The following NDUFAF5 variants were observed in gnomAD, a reference collection of about 807,000 sequenced individuals.
The protein encoded by NDUFAF5 is arginine-hydroxylase NDUFAF5, mitochondrial.
Under a neutral mutation model 48.9 loss-of-function variants are expected in NDUFAF5, and 34 were observed. That is an observed-to-expected ratio of 0.70 (90% confidence interval 0.53 to 0.93). The LOEUF is 0.93. NDUFAF5 is among the 40% of genes least tolerant of loss of function. The pLI, the probability that NDUFAF5 is intolerant of heterozygous loss-of-function variation, is 0.00. For synonymous variants in NDUFAF5, 153 were observed against 150.6 expected, an observed-to-expected ratio of 1.02 and a Z score of -0.12; for missense variants, 428 against 427.5, an observed-to-expected ratio of 1.00 and a Z score of -0.01.
Position 13,810,008 on chromosome 20 carries a change from A to G in NDUFAF5, c.778+1106A>G, listed in dbSNP as rs142961629. On this transcript the variant is annotated intron_variant, in intron 8 of 10. Coordinates refer to ENST00000378106, the MANE Select transcript of NDUFAF5 (RefSeq NM_024120.5). Reference sequence around the variant, plus strand: ...ACAGCCCTTGAGTTTACATTTGGATACATTGGGTTTGAAGTGCTTTTGAAA... The same window carrying G: ...ACAGCCCTTGAGTTTACATTTGGATGCATTGGGTTTGAAGTGCTTTTGAAA... Among the ~76,000 whole-genome samples the G allele has an allele frequency of 2.9e-4, 44 of 152,354 alleles. 1 individual carries two copies. The East Asian group carries it at 7.7e-3, about 27-fold the overall frequency.
At chr20:13,794,789 T>A (rs1312878539) in intron 4 of NDUFAF5, 49 bp from the exon 5 acceptor site, 1 of 1,096,560 alleles carries the variant, frequency 9.1e-7, no homozygotes, top group Admixed American at 1.8e-5. Flanking sequence ...TGTTAGTAAT[T>A]GAGATTCTAC....
At position 13,798,500 on chromosome 20, in the gene NDUFAF5, G is replaced by A. The variant is rs749058651; in HGVS notation, c.519G>A (p.Gln173=). ...WVNDLPRALE[Q]IHYILKPDGV... ...ATGACCTTCCTAGAGCACTTGAGCA[G>A]GTAAGAAAACTTATGTTCATTCAAC... is the stretch of plus-strand genomic sequence containing the variant. The change falls in exon 6 of 11, where the codon CAG becomes CAA. Residue 173 remains glutamine (Q), a splice_region_variant and synonymous_variant. Transcript: ENST00000378106. 3 of 1,605,308 alleles carry A rather than the reference G, an allele frequency of 1.9e-6. No homozygotes were observed. The highest frequency in any genetic ancestry group is 2.6e-6 in the Non-Finnish European group (3 of 1,172,222).
At chr20:13,816,620 C>A in intron 9 of NDUFAF5, 74 bp downstream of exon 9, 1 of 1,216,928 alleles carries the variant, frequency 8.2e-7, no homozygotes, top group Non-Finnish European at 1.2e-6. Context: ...CTTCACGTTG[C>A]CAATGCATTT....
intron 8 of NDUFAF5, among the ~76,000 whole-genome samples, chr20:13,809,885 A>C (rs988301067): frequency 6.6e-6 from 1 of 152,212 alleles, no homozygotes; most frequent in Non-Finnish European, 1.5e-5. Flanking sequence ...AAGGAGAAAG[A>C]CATTTGAAGC....
At chr20:13,815,281 A>G (rs1317741555) in intron 8 of NDUFAF5, among the ~76,000 whole-genome samples, 1 of 152,188 alleles carries the variant, frequency 6.6e-6, no homozygotes, top group Admixed American at 6.5e-5. Context: ...TGTGAGCACT[A>G]GAAGCCTTTA....
intron 8 of NDUFAF5, among the ~76,000 whole-genome samples, chr20:13,809,231 T>C (rs1291698553): frequency 2.0e-5 from 3 of 152,132 alleles, no homozygotes; most frequent in African/African-American, 4.8e-5. Flanking sequence ...TTGAGGATGA[T>C]GGAACACATT....
chr20:13,819,848 C>T lies in NDUFAF5; in HGVS notation c.*2638C>T, dbSNP rs1986860696. The T allele has an allele frequency of 6.6e-6, 1 of 152,162 alleles. No homozygotes were observed. Among genetic ancestry groups the T allele is most frequent in the Admixed American group, 6.5e-5 (1 of 15,286 alleles). 9.4% of individuals were successfully genotyped at this position (152,162 alleles called of 1,614,324 possible). ...CAAAATGAACTTTCTTGAGTCATTT[C>T]TTCTCTGTTTAGCTATAAGATTAGA... On this transcript the variant is annotated 3_prime_UTR_variant, in exon 11 of 11. Coordinates refer to ENST00000378106, the MANE Select transcript of NDUFAF5 (RefSeq NM_024120.5).
chr20:13,798,372 CTTTTT>C (rs1983574611), intron 5 of NDUFAF5, 84 bp from the exon 6 acceptor site: 16 of 959,738 alleles, frequency 1.7e-5, no homozygotes, highest in Non-Finnish European at 2.7e-5. Context: ...AAATTAACAC[CTTTTT>C]ATGGGTTATC....
intron 3 of NDUFAF5, among the ~76,000 whole-genome samples, chr20:13,792,849 G>A (rs1392704446): frequency 6.6e-6 from 1 of 152,144 alleles, no homozygotes; most frequent in Non-Finnish European, 1.5e-5. Flanking sequence ...TAAAAGGCGG[G>A]AAACTCATAG....
intron 8 of NDUFAF5, among the ~76,000 whole-genome samples, chr20:13,812,412 G>A (rs1985988926): frequency 6.6e-6 from 1 of 152,200 alleles, no homozygotes; most frequent in Middle Eastern, 3.4e-3. Flanking sequence ...TTTATCCAAA[G>A]GCTTGAGAGA....
intron 3 of NDUFAF5, among the ~76,000 whole-genome samples, chr20:13,790,565 CA>C (rs1488054089): frequency 2.0e-5 from 3 of 152,206 alleles, no homozygotes; most frequent in African/African-American, 7.2e-5. Flanking sequence ...GTTGTCATGG[CA>C]AAGTATCCTC....
rs997908300 is a variant in NDUFAF5 at position 13,819,686 on chromosome 20, C to A, written c.*2476C>A. 1 of 152,180 alleles carries A rather than the reference C, an allele frequency of 6.6e-6. No individual in the cohort carries two copies. Among genetic ancestry groups the A allele is most frequent in the Non-Finnish European group, 1.5e-5 (1 of 68,078 alleles). 9.4% of individuals were successfully genotyped at this position (152,180 alleles called of 1,614,324 possible). Reference sequence around the variant, plus strand: ...CTGGCCAATAACCATTTCTTGATAACCCCACAGATAATATCATAAACTCAA... The same window carrying A: ...CTGGCCAATAACCATTTCTTGATAAACCCACAGATAATATCATAAACTCAA... On this transcript the variant is annotated 3_prime_UTR_variant, in exon 11 of 11. Transcript: ENST00000378106.
At chr20:13,787,423 A>G (rs1981377743) in intron 2 of NDUFAF5, 71 bp downstream of exon 2, 2 of 1,406,456 alleles carry the variant, frequency 1.4e-6, no homozygotes, top group Non-Finnish European at 2.0e-6. Context: ...AATGCTGAGA[A>G]CTTGCTATCT....
intron 8 of NDUFAF5, chr20:13,814,146 C>G: frequency 3.5e-6 from 1 of 285,684 alleles, no homozygotes; most frequent in South Asian, 3.3e-5. Flanking sequence ...AGTGGTAGAG[C>G]CAGGATTTAA....
chr20:13,795,466 AATTCTGGACAAACTC>A (rs1249198556), intron 5 of NDUFAF5, among the ~76,000 whole-genome samples: 3 of 152,068 alleles, frequency 2.0e-5, no homozygotes, highest in Non-Finnish European at 4.4e-5. Flanking sequence ...ATTCTGGACA[AATTCTGGACAAACTC>A]ATTCTGGACA....
intron 3 of NDUFAF5, among the ~76,000 whole-genome samples, chr20:13,788,897 C>T (rs1337402770): frequency 6.6e-6 from 1 of 151,518 alleles, no homozygotes; most frequent in Admixed American, 6.6e-5. Context: ...TTATTTGAAT[C>T]TATAGAAGAT....
At chr20:13,808,027 T>C (rs538929774) in intron 7 of NDUFAF5, among the ~76,000 whole-genome samples, 1 of 152,304 alleles carries the variant, frequency 6.6e-6, no homozygotes, top group South Asian at 2.1e-4. Flanking sequence ...AATAAAGTTT[T>C]ATCACATCAC....
At position 13,801,559 on chromosome 20, in the gene NDUFAF5, G is replaced by T; in HGVS notation, c.593G>T (p.Arg198Leu). Reference protein sequence around the residue: ...MFGGDTLYELRCSLQLAETER... With the variant: ...MFGGDTLYELLCSLQLAETER... ...GGAGGCGACACACTCTATGAACTTC[G>T]GTGTTCCTTACAGTTAGCGGAAACG... Residue 198 changes from arginine to leucine, a missense_variant, in exon 7 of 11, where the codon CGG becomes CTG. Physicochemically the swap from Arg to Leu is moderately radical, Grantham distance 102. Coordinates refer to ENST00000378106, the MANE Select transcript of NDUFAF5 (RefSeq NM_024120.5). The T allele has an allele frequency of 6.2e-7, 1 of 1,613,764 alleles. No individual in the cohort carries two copies. Among genetic ancestry groups the T allele is most frequent in the Non-Finnish European group, 8.5e-7 (1 of 1,179,874 alleles).
At position 13,818,399 on chromosome 20, in the gene NDUFAF5, C is replaced by G. The variant is rs997691679; in HGVS notation, c.*1189C>G. The G allele has an allele frequency of 5.9e-6, 2 of 340,218 alleles. No homozygotes were observed. The highest frequency in any genetic ancestry group is 4.4e-5 in the African/African-American group (2 of 45,920). 21.1% of individuals were successfully genotyped at this position (340,218 alleles called of 1,614,324 possible). ...GCTTGGTAGCTTTTTTGTTTTAACACAAAGTAAACCTGTGAAGTAGAATTT... is the reference window on the plus strand; with the variant it reads ...GCTTGGTAGCTTTTTTGTTTTAACAGAAAGTAAACCTGTGAAGTAGAATTT... On this transcript the variant is annotated 3_prime_UTR_variant, in exon 11 of 11. Coordinates refer to ENST00000378106, the MANE Select transcript of NDUFAF5 (RefSeq NM_024120.5).
Sources: allele counts gnomAD v4.1 joint callset (sites outside exome capture counted in the v4.1 genomes callset), GRCh38; gene constraint gnomAD v4.1.1; transcripts MANE v1.5; gene names NCBI Gene and HGNC (gene_info 2026-07-23, HGNC 2026-07-21).